The following FECH variants were observed in gnomAD, a reference collection of about 807,000 sequenced individuals.
The protein encoded by FECH is ferrochelatase.
In FECH, 40 loss-of-function variants were observed where a neutral mutation model predicts 56.9. That is an observed-to-expected ratio of 0.70 (90% CI 0.55 to 0.92). The LOEUF (loss-of-function observed/expected upper bound fraction) is 0.92. Among genes scored for constraint, FECH ranks in the 40% least tolerant of loss-of-function variants. The pLI is 0.00. For synonymous variants in FECH, 175 were observed against 198.6 expected (o/e 0.88, Z 1.00); for missense variants, 431 against 529.1 (o/e 0.81, Z 1.82).
intron 7 of FECH, among the ~76,000 whole-genome samples, chr18:57,557,889 G>C (rs2050888902): frequency 6.6e-6 from 1 of 152,242 alleles, no homozygotes; most frequent in Non-Finnish European, 1.5e-5. Flanking sequence ...ATAGGATGAA[G>C]TGGCAGGAGG....
intron 1 of FECH, among the ~76,000 whole-genome samples, chr18:57,581,995 A>G (rs1326217197): frequency 2.0e-5 from 3 of 149,318 alleles, no homozygotes; most frequent in African/African-American, 7.3e-5. Context: ...ATCTGGTTTG[A>G]GTTGGTGTTT....
chr18:57,575,148 C>T (rs893070331), intron 2 of FECH, among the ~76,000 whole-genome samples: 1 of 152,150 alleles, frequency 6.6e-6, no homozygotes. Context: ...ATAAAATGTT[C>T]ATGCTACGTG....
At chr18:57,554,113 G>C in intron 9 of FECH, 147 bp downstream of exon 9, 6 of 879,286 alleles carry the variant, frequency 6.8e-6, no homozygotes, top group Non-Finnish European at 1.1e-5. Context: ...TTATTACTCA[G>C]ATGAAGTATT....
In FECH at chr18:57,554,346, G is replaced by A. The variant is rs1419953421; in HGVS notation, c.991C>T (p.Leu331Phe). Reference sequence around the variant, plus strand: ...CTGGTAAATGCTATCGGAACCAAGAGGATATTCTTCCTCCCCCTCTCACAA... The same window carrying A: ...CTGGTAAATGCTATCGGAACCAAGAAGATATTCTTCCTCCCCCTCTCACAA... ...GLCERGRKNI[L>F]LVPIAFTSDH... The change falls in exon 9 of 11, where the codon CTC (leucine) becomes TTC (phenylalanine). Residue 331 changes from leucine to phenylalanine, a missense_variant. Physicochemically the swap from Leu to Phe is conservative, Grantham distance 22 (BLOSUM62 0). Coordinates refer to ENST00000262093, the MANE Select transcript of FECH (RefSeq NM_000140.5). The A allele has an allele frequency of 1.2e-6, 2 of 1,614,090 alleles. No individual in the cohort carries two copies. Among genetic ancestry groups the A allele is most frequent in the Non-Finnish European group, 1.7e-6 (2 of 1,180,040 alleles).
intron 6 of FECH, 60 bp from the exon 7 acceptor site, chr18:57,559,303 A>G (rs2050910501): frequency 1.6e-6 from 2 of 1,216,096 alleles, no homozygotes; most frequent in East Asian, 4.7e-5. Flanking sequence ...GGAAGGAAAA[A>G]GAAAATAATT....
At chr18:57,582,149 T>C (rs886718284) in intron 1 of FECH, among the ~76,000 whole-genome samples, 3 of 152,176 alleles carry the variant, frequency 2.0e-5, no homozygotes, top group Admixed American at 6.5e-5. Flanking sequence ...TGAGATTGTA[T>C]CGGATTCCAT....
At position 57,550,694 on chromosome 18, in the gene FECH, G is replaced by T. The variant is rs368654879; in HGVS notation, c.*18C>A. On this transcript the variant is annotated 3_prime_UTR_variant, in exon 11 of 11. Coordinates refer to ENST00000262093, the MANE Select transcript of FECH (RefSeq NM_000140.5). The stretch of plus-strand genomic sequence containing the variant: ...AGGTTGGGCATTTGCCTAACGCCAC[G>T]GGGTCCACCGGCGGGGGTCACAGCT... 9.9e-6 allele frequency: 16 copies of T among 1,613,944 alleles called. No homozygotes were observed. The highest frequency in any genetic ancestry group is 6.7e-5 in the African/African-American group (5 of 75,022).
At chr18:57,552,376 T>C (rs2050811104) in intron 9 of FECH, among the ~76,000 whole-genome samples, 1 of 151,812 alleles carries the variant, frequency 6.6e-6, no homozygotes. Context: ...TGATCTTTTA[T>C]TTTTTATTTA....
chr18:57,567,435 C>G (rs1252389723), intron 4 of FECH, among the ~76,000 whole-genome samples: 1 of 152,190 alleles, frequency 6.6e-6, no homozygotes, highest in African/African-American at 2.4e-5. Context: ...AGTTCAAAAA[C>G]ATCCACACCA....
rs11383428 is a variant in FECH, at chr18:57,584,325, C to CAAAA, written c.67+2225_67+2228dup. On this transcript the variant is annotated intron_variant, in intron 1 of 10. Coordinates refer to ENST00000262093, the MANE Select transcript of FECH (RefSeq NM_000140.5). ...TAGGCAACAGAGTGAGACTCGGTCTCAAAAAAAAAAAAAAAAAAAACTCTC... is the reference window on the plus strand; with the variant it reads ...TAGGCAACAGAGTGAGACTCGGTCTCAAAAAAAAAAAAAAAAAAAAAAAACTCTC... Among the ~76,000 whole-genome samples, 92 of 99,248 alleles carry CAAAA rather than the reference C, an allele frequency of 9.3e-4. No homozygotes were observed. The Middle Eastern group carries it at 0.016, about 17-fold the overall frequency. The allele number at this position is 99,248 out of a possible 152,430, so 65.1% of individuals were successfully genotyped here. A position where few individuals can be genotyped will look rare whatever the true frequency, so the allele number is the denominator to read the frequency against.
intron 4 of FECH, among the ~76,000 whole-genome samples, chr18:57,570,387 G>T (rs763904838): frequency 1.1e-4 from 16 of 152,186 alleles, no homozygotes; most frequent in African/African-American, 3.9e-4. Flanking sequence ...AACAATTTTC[G>T]AAGTGAGGTG....
chr18:57,579,281 G>GTATATC (rs1182011423), intron 2 of FECH, among the ~76,000 whole-genome samples: 31 of 85,206 alleles, frequency 3.6e-4, no homozygotes, highest in Non-Finnish European at 6.7e-4. Context: ...ATATGTGTGT[G>GTATATC]TGTATATATG....
At chr18:57,563,085 CT>C in intron 5 of FECH, 105 bp from the exon 6 acceptor site, 1 of 839,228 alleles carries the variant, frequency 1.2e-6, no homozygotes, top group Non-Finnish European at 2.0e-6. Context: ...GTAACTGCTT[CT>C]TTACTGAATC....
chr18:57,563,578 CCCAAAAAAAAAAAA>C (rs1361990641), intron 5 of FECH, among the ~76,000 whole-genome samples: 1 of 10,944 alleles, frequency 9.1e-5, no homozygotes, highest in Non-Finnish European at 1.7e-4. Context: ...GAAACTCCGT[CCCAAAAAAAAAAAA>C]AAAAAAAAAA....
At position 57,547,861 on chromosome 18, in the gene FECH, C is replaced by T. The variant is rs2050739390; in HGVS notation, c.*2851G>A. 6.6e-6 allele frequency among the ~76,000 whole-genome samples: 1 copy of T among 152,158 alleles called. No individual in the cohort carries two copies. Among genetic ancestry groups the T allele is most frequent in the South Asian group, 2.1e-4 (1 of 4,830 alleles). ...ATGTTGCCCAGGCTGGTCTTGAACT[C>T]TTGGGATCAAGCAATCCTCCAACCT... On this transcript the variant is annotated 3_prime_UTR_variant, in exon 11 of 11. Coordinates refer to ENST00000262093, the MANE Select transcript of FECH (RefSeq NM_000140.5).
Position 57,546,244 on chromosome 18 carries a change from G to C in FECH, c.*4468C>G, listed in dbSNP as rs2050718303. 6.6e-6 allele frequency among the ~76,000 whole-genome samples: 1 copy of C among 152,218 alleles called. No homozygotes were observed. Among genetic ancestry groups the C allele is most frequent in the Non-Finnish European group, 1.5e-5 (1 of 68,044 alleles). On this transcript the variant is annotated 3_prime_UTR_variant, in exon 11 of 11. Coordinates refer to ENST00000262093, the MANE Select transcript of FECH (RefSeq NM_000140.5). Reference sequence around the variant, plus strand: ...TTGGAGGTTCTTGGCTGATGCACCTGTGCCTTCACGTGCCCCCGTGCGCAC... The same window carrying C: ...TTGGAGGTTCTTGGCTGATGCACCTCTGCCTTCACGTGCCCCCGTGCGCAC...
In FECH at chr18:57,549,826, T is replaced by C. The variant is rs538180735; in HGVS notation, c.*886A>G. The C allele has an allele frequency of 6.6e-6, 1 of 152,322 alleles. No individual in the cohort carries two copies. Among genetic ancestry groups the C allele is most frequent in the African/African-American group, 2.4e-5 (1 of 41,564 alleles). 9.4% of individuals were successfully genotyped at this position (152,322 alleles called of 1,614,324 possible). ...AGTATTGTTGACTTTATAAAATAAT[T>C]CTTAAAACAAATGTTCAGAAAGAAG... is the stretch of plus-strand genomic sequence containing the variant. On this transcript the variant is annotated 3_prime_UTR_variant, in exon 11 of 11. Transcript: ENST00000262093.
chr18:57,581,034 G>C (rs1342871372), intron 1 of FECH, among the ~76,000 whole-genome samples: 1 of 152,156 alleles, frequency 6.6e-6, no homozygotes, highest in African/African-American at 2.4e-5. Context: ...GGCTGTCTGT[G>C]AGGCTCCCCA....
chr18:57,569,635 C>T (rs1276141323), intron 4 of FECH, among the ~76,000 whole-genome samples: 1 of 152,054 alleles, frequency 6.6e-6, no homozygotes, highest in Admixed American at 6.5e-5. Context: ...ACAACTCTAC[C>T]AGGGCTTTAA....
Sources: gnomAD v4.1 joint callset for allele counts (sites outside exome capture counted in the v4.1 genomes callset) on GRCh38, gnomAD v4.1.1 for gene constraint, MANE v1.5 for transcripts, NCBI Gene and HGNC (gene_info 2026-07-23, HGNC 2026-07-21) for gene names.